KAZN: variants seen among roughly 807,000 people sequenced by gnomAD.
The protein encoded by KAZN is kazrin.
Under a neutral mutation model 87.4 loss-of-function variants are expected in KAZN, and 40 were observed. The observed-to-expected ratio is 0.46, with a 90% CI of 0.36 to 0.60. The LOEUF is 0.60. KAZN is among the 20% of genes least tolerant of loss of function. The pLI is 0.00. For synonymous variants in KAZN, 466 were observed against 458.3 expected (o/e 1.02, Z -0.22); for missense variants, 898 against 1,073.9 (o/e 0.84, Z 2.29).
intron 1 of KAZN, among the ~76,000 whole-genome samples, chr1:14,957,334 T>C (rs1663238121): frequency 6.6e-6 from 1 of 152,222 alleles, no homozygotes; most frequent in African/African-American, 2.4e-5. Context: ...AGTGCCCCCG[T>C]GCCTAGAGCC....
chr1:14,214,782 C>A (rs1646925295), intron 2 of KAZN, among the ~76,000 whole-genome samples: 1 of 152,174 alleles, frequency 6.6e-6, no homozygotes, highest in South Asian at 2.1e-4. Context: ...GATAGTGGAG[C>A]TGGGGAGTTG....
At chr1:14,444,574 A>G (rs1460188460) in intron 2 of KAZN, among the ~76,000 whole-genome samples, 2 of 151,994 alleles carry the variant, frequency 1.3e-5, no homozygotes, top group African/African-American at 4.8e-5. Flanking sequence ...TGGCCTCCCA[A>G]AGTGTTGGGA....
At chr1:15,002,127 G>A (rs1668549677) in intron 2 of KAZN, among the ~76,000 whole-genome samples, 3 of 151,976 alleles carry the variant, frequency 2.0e-5, no homozygotes, top group South Asian at 2.1e-4. Flanking sequence ...TGATCCACCC[G>A]CCTCGTCCTC....
intron 2 of KAZN, among the ~76,000 whole-genome samples, chr1:14,365,408 G>A (rs1028509766): frequency 4.0e-5 from 6 of 148,210 alleles, no homozygotes; most frequent in African/African-American, 1.5e-4. Context: ...AGCTGTGTTG[G>A]ATTAAGGGCC....
chr1:14,054,924 G>A (rs77207513), intron 1 of KAZN, among the ~76,000 whole-genome samples: 8,074 of 152,248 alleles, frequency 0.053, 587 homozygotes, highest in African/African-American at 0.16. Context: ...TAGAGCAGAT[G>A]TCTCGACCTC....
At chr1:13,949,672 C>G (rs1388991254) in intron 1 of KAZN, among the ~76,000 whole-genome samples, 1 of 152,140 alleles carries the variant, frequency 6.6e-6, no homozygotes, top group Non-Finnish European at 1.5e-5. Flanking sequence ...AAAAAGGTCT[C>G]CTATTATCCA....
intron 1 of KAZN, among the ~76,000 whole-genome samples, chr1:14,785,591 C>T (rs745651037): frequency 2.0e-5 from 3 of 152,170 alleles, no homozygotes; most frequent in Non-Finnish European, 2.9e-5. Context: ...CATCTTTTCC[C>T]CACCTGCCCT....
intron 2 of KAZN, among the ~76,000 whole-genome samples, chr1:14,457,988 T>G (rs938471512): frequency 2.6e-5 from 4 of 152,036 alleles, no homozygotes; most frequent in Admixed American, 6.6e-5. Context: ...TGGCTAATTT[T>G]TGTGTGTGTG....
At chr1:15,006,945 T>C (rs1006412794) in intron 2 of KAZN, among the ~76,000 whole-genome samples, 4 of 150,598 alleles carry the variant, frequency 2.7e-5, no homozygotes, top group Non-Finnish European at 5.9e-5. Context: ...TAGTCCCAGC[T>C]ACTCGGGAGG....
chr1:14,683,301 G>A (rs987337329), intron 1 of KAZN, among the ~76,000 whole-genome samples: 3 of 152,184 alleles, frequency 2.0e-5, no homozygotes, highest in African/African-American at 7.2e-5. Flanking sequence ...GAATTTGAGA[G>A]TTACAGCCTG....
chr1:14,224,966 T>A (rs1647211050), intron 2 of KAZN, among the ~76,000 whole-genome samples: 1 of 152,158 alleles, frequency 6.6e-6, no homozygotes, highest in Non-Finnish European at 1.5e-5. Flanking sequence ...GAAAGTAAGC[T>A]GTAGTTTAAT....
chr1:14,778,660 G>A lies in KAZN; in HGVS notation c.226+179437G>A, dbSNP rs1025942309. On this transcript the variant is annotated intron_variant, in intron 1 of 14. Transcript: ENST00000376030. ...AAACCCAAGGTGCACACACATCACA[G>A]GTACTGGTTATCCAGTGTTTCAGTT... 8.5e-5 allele frequency among the ~76,000 whole-genome samples: 13 copies of A among 152,252 alleles called. No homozygotes were observed. The South Asian group carries it at 1.2e-3, about 15-fold the overall frequency.
chr1:14,893,747 G>T (rs1164478738), intron 1 of KAZN, among the ~76,000 whole-genome samples: 1 of 152,150 alleles, frequency 6.6e-6, no homozygotes, highest in Non-Finnish European at 1.5e-5. Context: ...ATCTGTGCCC[G>T]CTTCAGCCTA....
At chr1:14,286,187 G>T (rs534414187) in intron 2 of KAZN, among the ~76,000 whole-genome samples, 90 of 152,240 alleles carry the variant, frequency 5.9e-4, no homozygotes, top group African/African-American at 2.0e-3. Context: ...GGTAGGGTTG[G>T]TTTTTTCTGA....
intron 12 of KAZN, 38 bp from the exon 13 acceptor site, chr1:15,103,985 C>T: frequency 6.3e-7 from 1 of 1,596,752 alleles, no homozygotes; most frequent in African/African-American, 1.3e-5. Context: ...AGCAGCATGG[C>T]CCCTGCAGGC....
chr1:14,068,259 C>G (rs1643096405), intron 1 of KAZN, among the ~76,000 whole-genome samples: 1 of 152,160 alleles, frequency 6.6e-6, no homozygotes, highest in Admixed American at 6.5e-5. Context: ...CTTGTCCAGT[C>G]AATTAATTTG....
intron 2 of KAZN, among the ~76,000 whole-genome samples, chr1:14,451,970 C>T (rs1426863006): frequency 2.6e-5 from 4 of 152,076 alleles, no homozygotes; most frequent in Admixed American, 6.5e-5. Flanking sequence ...GATGGAGTCT[C>T]GCTCTGTCAC....
rs1644530847 is a variant in KAZN, at chr1:14,112,915, G to C, written c.92-67520G>C. Among the ~76,000 whole-genome samples the C allele has an allele frequency of 5.3e-5, 8 of 152,358 alleles. No homozygotes were observed. The South Asian group carries it at 1.7e-3, about 32-fold the overall frequency. On this transcript the variant is annotated intron_variant, in intron 1 of 16. Coordinates refer to the KAZN transcript ENST00000636203. ...CTCTAGATAACTGTTCAGCCCAGCA[G>C]AGTTCAAAGTGCTGTGCGGAAGAAA...
chr1:14,107,907 A>G (rs1480463631), intron 1 of KAZN, among the ~76,000 whole-genome samples: 1 of 152,134 alleles, frequency 6.6e-6, no homozygotes, highest in Non-Finnish European at 1.5e-5. Context: ...CTCCAGCTTT[A>G]TGTACTTGAA....
Sources: allele counts gnomAD v4.1 joint callset (sites outside exome capture counted in the v4.1 genomes callset), GRCh38; gene constraint gnomAD v4.1.1; transcripts MANE v1.5; gene names NCBI Gene and HGNC (gene_info 2026-07-23, HGNC 2026-07-21).